CAPS2: variants seen among roughly 807,000 people sequenced by gnomAD.
CAPS2 encodes calcyphosine 2.
In CAPS2, 98 loss-of-function variants were observed where a neutral mutation model predicts 86.5. The observed-to-expected ratio is 1.13, with a 90% CI of 0.96 to 1.34. CAPS2 has a LOEUF of 1.34. CAPS2 is among the 40% of genes most tolerant of loss of function. The pLI is 0.00. For missense variants in CAPS2, 729 were observed against 686.8 expected, an observed-to-expected ratio of 1.06 and a Z score of -0.69; for synonymous variants, 210 against 225.1, an observed-to-expected ratio of 0.93 and a Z score of 0.60.
intron 1 of CAPS2, among the ~76,000 whole-genome samples, chr12:75,359,355 G>GTTTTT (rs1463566931): frequency 1.5e-4 from 7 of 46,432 alleles, no homozygotes; most frequent in Non-Finnish European, 2.5e-4. Flanking sequence ...CAGCATTGTT[G>GTTTTT]TCTTTTTTTT....
At chr12:75,306,211 C>T (rs1278144722) in intron 7 of CAPS2, 4 of 695,400 alleles carry the variant, frequency 5.8e-6, no homozygotes, top group South Asian at 5.2e-5. Flanking sequence ...GCTGGTGTTC[C>T]CGGGCCAGCC....
intron 14 of CAPS2, among the ~76,000 whole-genome samples, chr12:75,285,353 T>C (rs575523699): frequency 6.6e-6 from 1 of 152,142 alleles, no homozygotes; most frequent in Admixed American, 6.5e-5. Context: ...GGACAAATAA[T>C]AATTGTATAT....
At chr12:75,353,868 T>C (rs1253851045) in intron 1 of CAPS2, among the ~76,000 whole-genome samples, 1 of 152,180 alleles carries the variant, frequency 6.6e-6, no homozygotes, top group Non-Finnish European at 1.5e-5. Flanking sequence ...ATTCATTATA[T>C]CATCAGAACT....
At chr12:75,388,475 C>T (rs2045403977) in intron 1 of CAPS2, among the ~76,000 whole-genome samples, 1 of 152,114 alleles carries the variant, frequency 6.6e-6, no homozygotes, top group Non-Finnish European at 1.5e-5. Context: ...AATTAGGTAT[C>T]AAGCCACGAA....
intron 1 of CAPS2, among the ~76,000 whole-genome samples, chr12:75,352,300 G>A (rs2042868785): frequency 6.6e-6 from 1 of 152,156 alleles, no homozygotes; most frequent in African/African-American, 2.4e-5. Context: ...TCAAAGGGAT[G>A]GAGGAAAATT....
chr12:75,316,197 T>A lies in CAPS2; in HGVS notation c.591+115A>T, dbSNP rs1051964788. On this transcript the variant is annotated intron_variant, in intron 6 of 16. Coordinates refer to ENST00000393284, the Ensembl canonical transcript of CAPS2. ...GGACTCAATTTTCCATTAATGAATA[T>A]TCACCCGAGTTCAAATTCAACTGTT... The A allele has an allele frequency of 8.5e-5, 110 of 1,289,132 alleles. No individual in the cohort carries two copies. In the African/African-American group the frequency reaches 1.5e-3, roughly 18 times the overall value. The allele number at this position is 1,289,132 out of a possible 1,614,324, so 79.9% of individuals were successfully genotyped here.
chr12:75,356,900 G>T (rs573428386), intron 1 of CAPS2, among the ~76,000 whole-genome samples: 1 of 152,136 alleles, frequency 6.6e-6, no homozygotes, highest in East Asian at 1.9e-4. Context: ...GTCAAAGAAG[G>T]CTACAGTGCT....
intron 15 of CAPS2, among the ~76,000 whole-genome samples, chr12:75,282,963 G>A (rs1053113562): frequency 3.9e-5 from 6 of 152,074 alleles, no homozygotes; most frequent in South Asian, 2.1e-4. Context: ...GAAGAGATGG[G>A]TAAAAGACCT....
chr12:75,306,933 CA>C (rs200805847), intron 7 of CAPS2, among the ~76,000 whole-genome samples: 8 of 148,820 alleles, frequency 5.4e-5, no homozygotes, highest in Admixed American at 2.7e-4. Flanking sequence ...TGATATAATC[CA>C]AAAAAAAAAT....
chr12:75,294,600 GT>G (rs533597144), intron 11 of CAPS2, among the ~76,000 whole-genome samples: 31 of 152,168 alleles, frequency 2.0e-4, no homozygotes, highest in East Asian at 1.7e-3. Context: ...TGAAAAGTTT[GT>G]TTTTTCCCCC....
intron 13 of CAPS2, among the ~76,000 whole-genome samples, 177 bp downstream of exon 13, chr12:75,291,567 G>GTATATATATATATATA (rs66622366): frequency 7.2e-5 from 2 of 27,718 alleles, no homozygotes; most frequent in Non-Finnish European, 1.2e-4. Flanking sequence ...ATTTTTAAAA[G>GTATATATATATATATA]TATATATATA....
intron 15 of CAPS2, 140 bp downstream of exon 15, chr12:75,284,821 A>G: frequency 1.5e-6 from 1 of 665,352 alleles, no homozygotes; most frequent in Non-Finnish European, 2.3e-6. Context: ...ATGCATATGG[A>G]CCTGTTTTCT....
chr12:75,292,107 C>A (rs999902775), intron 12 of CAPS2, among the ~76,000 whole-genome samples: 3 of 152,094 alleles, frequency 2.0e-5, no homozygotes, highest in Admixed American at 6.5e-5. Context: ...CGCTCTGTCA[C>A]CCAGGCTGGA....
intron 7 of CAPS2, among the ~76,000 whole-genome samples, chr12:75,308,910 A>G: frequency 6.6e-6 from 1 of 150,872 alleles, no homozygotes; most frequent in Non-Finnish European, 1.5e-5. Context: ...CTCAAAAAAA[A>G]AAAAAAAAAA....
intron 7 of CAPS2, among the ~76,000 whole-genome samples, chr12:75,306,911 T>G (rs4882687): frequency 0.32 from 48,110 of 151,834 alleles, 8,431 homozygotes; most frequent in East Asian, 0.45. Context: ...AAGTAAACAT[T>G]AAAGATTCTT....
exon 17 of CAPS2, chr12:75,278,739 T>C (rs754742747): frequency 1.1e-4 from 142 of 1,329,636 alleles, no homozygotes; most frequent in Non-Finnish European, 1.3e-4. Flanking sequence ...TTCAACATTT[T>C]TGAGAAAACA....
intron 11 of CAPS2, among the ~76,000 whole-genome samples, chr12:75,295,473 T>C (rs937789138): frequency 1.3e-5 from 2 of 152,366 alleles, no homozygotes; most frequent in Admixed American, 6.5e-5. Flanking sequence ...ACACATACGA[T>C]GTTCGCTTTG....
chr12:75,307,921 A>T (rs1169451556), intron 7 of CAPS2, among the ~76,000 whole-genome samples: 1 of 152,182 alleles, frequency 6.6e-6, no homozygotes, highest in Non-Finnish European at 1.5e-5. Flanking sequence ...CCTAAGGTCC[A>T]TTCACACTGA....
chr12:75,313,362 A>T (rs906324819), intron 6 of CAPS2, among the ~76,000 whole-genome samples: 1 of 152,232 alleles, frequency 6.6e-6, no homozygotes, highest in Admixed American at 6.5e-5. Context: ...CTGAGTTTGA[A>T]TTGTTTGACC....
Sources: gnomAD v4.1 joint callset for allele counts (sites outside exome capture counted in the v4.1 genomes callset) on GRCh38, gnomAD v4.1.1 for gene constraint, MANE v1.5 for transcripts, NCBI Gene and HGNC (gene_info 2026-07-23, HGNC 2026-07-21) for gene names.